PIGL: variants seen among roughly 807,000 people sequenced by gnomAD.
The protein encoded by PIGL is N-acetylglucosaminyl-phosphatidylinositol de-N-acetylase.
Under a neutral mutation model 31.1 loss-of-function variants are expected in PIGL, and 22 were observed. The observed-to-expected ratio is 0.71, with a 90% CI of 0.51 to 1.01. PIGL has a LOEUF of 1.01. Among genes scored for constraint, PIGL ranks in the 50% least tolerant of loss-of-function variants. The probability of loss-of-function intolerance (pLI) is 0.00; values close to 1 mark genes in which losing one functional copy is unlikely to be tolerated. For synonymous variants in PIGL, 131 were observed against 117.4 expected (o/e 1.12, Z -0.75); for missense variants, 302 against 315.9 (o/e 0.96, Z 0.33).
At chr17:16,292,538 A>G (rs1255915838) in intron 2 of PIGL, among the ~76,000 whole-genome samples, 1 of 152,198 alleles carries the variant, frequency 6.6e-6, no homozygotes, top group Non-Finnish European at 1.5e-5. Context: ...TACATTTATG[A>G]TTTTATCACA....
At chr17:16,319,167 A>G (rs925247873) in intron 6 of PIGL, among the ~76,000 whole-genome samples, 103 of 130,410 alleles carry the variant, frequency 7.9e-4, no homozygotes, top group African/African-American at 2.8e-3. Flanking sequence ...CAAGGTTGCA[A>G]TGAACCCTGA....
intron 5 of PIGL, chr17:16,317,332 A>C: frequency 1.0e-6 from 1 of 979,046 alleles, no homozygotes; most frequent in Non-Finnish European, 1.2e-6. Context: ...ATCCTGTGAG[A>C]CAGGCAGGTC....
At chr17:16,261,516 A>G (rs1379920116) in intron 2 of PIGL, among the ~76,000 whole-genome samples, 1 of 152,238 alleles carries the variant, frequency 6.6e-6, no homozygotes, top group Admixed American at 6.5e-5. Flanking sequence ...TACAAGCCAC[A>G]TAGCTCATCA....
chr17:16,236,138 C>T (rs1190642939), intron 2 of PIGL, among the ~76,000 whole-genome samples: 1 of 152,064 alleles, frequency 6.6e-6, no homozygotes, highest in African/African-American at 2.4e-5. Context: ...AACAAAAAAA[C>T]AGGATAGGTG....
intron 1 of PIGL, among the ~76,000 whole-genome samples, chr17:16,220,048 T>G (rs1343983543): frequency 6.6e-6 from 1 of 151,910 alleles, no homozygotes; most frequent in Non-Finnish European, 1.5e-5. Flanking sequence ...AATTGAAAAT[T>G]TTTTCAAATA....
intron 2 of PIGL, among the ~76,000 whole-genome samples, chr17:16,247,733 A>G (rs1034234553): frequency 6.6e-6 from 1 of 152,116 alleles, no homozygotes; most frequent in Non-Finnish European, 1.5e-5. Flanking sequence ...GTAGACTCTT[A>G]AGTCCAGCAG....
intron 2 of PIGL, among the ~76,000 whole-genome samples, chr17:16,246,841 G>A (rs932925504): frequency 6.0e-5 from 9 of 150,364 alleles, no homozygotes; most frequent in East Asian, 5.9e-4. Flanking sequence ...GCCCGCCACC[G>A]CGCCCGGCTA....
At chr17:16,223,704 A>AC (rs763597867) in intron 1 of PIGL, among the ~76,000 whole-genome samples, 8 of 151,376 alleles carry the variant, frequency 5.3e-5, no homozygotes, top group Admixed American at 1.3e-4. Context: ...ACATAGTGAG[A>AC]CCCCATCTAT....
chr17:16,316,286 A>T (rs1171156792), intron 4 of PIGL, among the ~76,000 whole-genome samples: 1 of 152,208 alleles, frequency 6.6e-6, no homozygotes, highest in African/African-American at 2.4e-5. Flanking sequence ...AAGCTCAGAA[A>T]GGAGAAAGGA....
At chr17:16,296,085 G>T (rs1210847042) in intron 2 of PIGL, among the ~76,000 whole-genome samples, 1 of 152,188 alleles carries the variant, frequency 6.6e-6, no homozygotes, top group East Asian at 1.9e-4. Flanking sequence ...CCATATTTAT[G>T]TACTTATTTA....
At chr17:16,239,819 G>A (rs1247479002) in intron 2 of PIGL, among the ~76,000 whole-genome samples, 2 of 151,938 alleles carry the variant, frequency 1.3e-5, no homozygotes, top group African/African-American at 2.4e-5. Flanking sequence ...AAGGTGTCAC[G>A]CTGACACCCA....
At chr17:16,313,717 GA>G in intron 4 of PIGL, 103 bp downstream of exon 4, 1 of 909,042 alleles carries the variant, frequency 1.1e-6, no homozygotes, top group Non-Finnish European at 1.8e-6. Context: ...CTGAGCCCAT[GA>G]AACTCACTGC....
intron 2 of PIGL, among the ~76,000 whole-genome samples, chr17:16,272,361 T>C (rs73287426): frequency 0.049 from 7,429 of 152,296 alleles, 626 homozygotes; most frequent in African/African-American, 0.17. Flanking sequence ...TAATCTGTTA[T>C]AGTCATAGCA....
At chr17:16,263,796 C>T (rs2092829131) in intron 2 of PIGL, among the ~76,000 whole-genome samples, 1 of 147,410 alleles carries the variant, frequency 6.8e-6, no homozygotes, top group Non-Finnish European at 1.5e-5. Context: ...GCTGGGATTA[C>T]AGGTGTGAGC....
chr17:16,320,854 C>T (rs1035538062), intron 6 of PIGL, among the ~76,000 whole-genome samples: 4 of 150,986 alleles, frequency 2.6e-5, no homozygotes, highest in South Asian at 2.1e-4. Flanking sequence ...AGGCTGGTCT[C>T]GAACTCCTGA....
intron 3 of PIGL, among the ~76,000 whole-genome samples, chr17:16,307,044 G>A (rs1331190049): frequency 6.6e-6 from 1 of 152,200 alleles, no homozygotes; most frequent in Non-Finnish European, 1.5e-5. Flanking sequence ...AAATGAAAGC[G>A]AGAGGGTTCT....
intron 2 of PIGL, among the ~76,000 whole-genome samples, chr17:16,261,776 G>A (rs2092820297): frequency 6.6e-6 from 1 of 151,906 alleles, no homozygotes; most frequent in East Asian, 1.9e-4. Context: ...TAATTTTTTT[G>A]TATTTTTTGT....
chr17:16,233,069 G>A (rs538400221), intron 1 of PIGL, among the ~76,000 whole-genome samples: 4 of 151,512 alleles, frequency 2.6e-5, no homozygotes, highest in Non-Finnish European at 4.4e-5. Context: ...AGCCAAGATC[G>A]CGCTGCTGTA....
At chr17:16,225,490 G>A (rs951361282) in intron 1 of PIGL, among the ~76,000 whole-genome samples, 19 of 145,174 alleles carry the variant, frequency 1.3e-4, no homozygotes, top group African/African-American at 4.1e-4. Context: ...CTGGGTTCAC[G>A]CCATTCTCCT....
Sources: gnomAD v4.1 joint callset for allele counts (sites outside exome capture counted in the v4.1 genomes callset) on GRCh38, gnomAD v4.1.1 for gene constraint, MANE v1.5 for transcripts, NCBI Gene and HGNC (gene_info 2026-07-23, HGNC 2026-07-21) for gene names.